TMEM30A: variants seen among roughly 807,000 people sequenced by gnomAD.
TMEM30A encodes the protein cell cycle control protein 50A.
A neutral mutation model predicts 38.2 loss-of-function variants in TMEM30A; 24 were observed. The observed-to-expected ratio is 0.63, with a 90% CI of 0.46 to 0.88. The LOEUF is 0.88. Among genes scored for constraint, TMEM30A ranks in the 40% least tolerant of loss-of-function variants. TMEM30A has a pLI of 0.00. For missense variants in TMEM30A, 370 were observed against 458.6 expected (o/e 0.81, Z 1.77); for synonymous variants, 145 against 161.6 (o/e 0.90, Z 0.78).
intron 1 of TMEM30A, 53 bp from the exon 2 acceptor site, chr6:75,267,801 A>C: frequency 7.5e-6 from 9 of 1,200,078 alleles, no homozygotes; most frequent in Non-Finnish European, 1.1e-5. Context: ...GGATACCTAA[A>C]ACACTCTGAA....
intron 1 of TMEM30A, among the ~76,000 whole-genome samples, chr6:75,283,817 G>A (rs1014967165): frequency 6.6e-6 from 1 of 152,190 alleles, no homozygotes; most frequent in African/African-American, 2.4e-5. Context: ...AAAATGAAAA[G>A]TACTATGCAC....
At chr6:75,259,246 G>A (rs1247149602) in intron 5 of TMEM30A, 101 bp downstream of exon 5, 4 of 1,331,222 alleles carry the variant, frequency 3.0e-6, no homozygotes, top group African/African-American at 1.5e-5. Flanking sequence ...GAAAAATTGT[G>A]TTTTTCAAAG....
chr6:75,257,901 C>G (rs1582273600), intron 6 of TMEM30A, among the ~76,000 whole-genome samples: 1 of 152,146 alleles, frequency 6.6e-6, no homozygotes, highest in East Asian at 1.9e-4. Flanking sequence ...TCTCTTCACT[C>G]ACAGTGTATG....
At chr6:75,279,469 G>A (rs974288533) in intron 1 of TMEM30A, among the ~76,000 whole-genome samples, 2 of 151,908 alleles carry the variant, frequency 1.3e-5, no homozygotes, top group Non-Finnish European at 2.9e-5. Context: ...AACAAAAGAG[G>A]CTACCAAGTG....
At chr6:75,260,949 C>G in intron 3 of TMEM30A, 38 bp from the exon 4 acceptor site, 1 of 1,457,604 alleles carries the variant, frequency 6.9e-7, no homozygotes, top group Non-Finnish European at 9.4e-7. Flanking sequence ...AAATTATTAT[C>G]CAGGCCTTTG....
intron 1 of TMEM30A, among the ~76,000 whole-genome samples, chr6:75,269,558 T>G (rs2149521588): frequency 6.6e-6 from 1 of 152,376 alleles, no homozygotes; most frequent in South Asian, 2.1e-4. Context: ...AAGGACATCT[T>G]GGTTGCTTCC....
At position 75,253,590 on chromosome 6, in the gene TMEM30A, C is replaced by G. The variant is rs1771818983; in HGVS notation, c.*2512G>C. The stretch of plus-strand genomic sequence containing the variant: ...CAACACTGGAGCATTGTTATTTTAT[C>G]AAGACACCTGAACATAGCAAAATTA... On this transcript the variant is annotated 3_prime_UTR_variant, in exon 7 of 7. Transcript: ENST00000230461. The G allele has an allele frequency of 6.6e-6, 1 of 152,534 alleles. No individual in the cohort carries two copies. The highest frequency in any genetic ancestry group is 1.5e-5 in the Non-Finnish European group (1 of 68,002). The allele number at this position is 152,534 out of a possible 1,614,324, so 9.4% of individuals were successfully genotyped here.
At position 75,252,989 on chromosome 6, in the gene TMEM30A, G is replaced by A. The variant is rs1230553927; in HGVS notation, c.*3113C>T. ...ACATTAGCAGAATTGTGATTTTTATGTTTACTGAATGGTGCATGGGATAAA... is the reference window on the plus strand; with the variant it reads ...ACATTAGCAGAATTGTGATTTTTATATTTACTGAATGGTGCATGGGATAAA... On this transcript the variant is annotated 3_prime_UTR_variant, in exon 7 of 7. Transcript: ENST00000230461. 6.6e-6 allele frequency: 1 copy of A among 151,980 alleles called. No homozygotes were observed. The highest frequency in any genetic ancestry group is 1.5e-5 in the Non-Finnish European group (1 of 67,956). 9.4% of individuals were successfully genotyped at this position (151,980 alleles called of 1,614,324 possible).
intron 6 of TMEM30A, 97 bp from the exon 7 acceptor site, chr6:75,256,392 G>T: frequency 1.9e-6 from 2 of 1,068,618 alleles, no homozygotes; most frequent in Non-Finnish European, 2.7e-6. Context: ...ATTCATTTGT[G>T]TAATTCTAGG....
At chr6:75,269,052 T>C (rs1390874313) in intron 1 of TMEM30A, among the ~76,000 whole-genome samples, 2 of 151,940 alleles carry the variant, frequency 1.3e-5, no homozygotes, top group African/African-American at 2.4e-5. Flanking sequence ...AAGTACAGAG[T>C]TCCCATATAC....
intron 3 of TMEM30A, among the ~76,000 whole-genome samples, chr6:75,264,839 T>C (rs983276042): frequency 6.6e-6 from 1 of 150,994 alleles, no homozygotes; most frequent in African/African-American, 2.4e-5. Context: ...TGGTGGCTCA[T>C]GCCTGTAATC....
intron 3 of TMEM30A, among the ~76,000 whole-genome samples, chr6:75,263,836 G>C (rs1032769696): frequency 1.1e-4 from 16 of 152,160 alleles, no homozygotes; most frequent in Admixed American, 9.2e-4. Flanking sequence ...TGAAATCTTT[G>C]CTTACAGTTT....
In TMEM30A at chr6:75,284,658, C is replaced by G; in HGVS notation, c.-20G>C. On this transcript the variant is annotated 5_prime_UTR_variant, in exon 1 of 7. Coordinates refer to ENST00000230461, the MANE Select transcript of TMEM30A (RefSeq NM_018247.4). ...CGCCATCGATCCCTGGGGCGCCGCT[C>G]CGCGATTTGCAGGTGGACCACCCAG... The G allele has an allele frequency of 6.2e-7, 1 of 1,610,362 alleles. No individual in the cohort carries two copies. The highest frequency in any genetic ancestry group is 8.5e-7 in the Non-Finnish European group (1 of 1,179,614).
At chr6:75,263,727 A>G (rs240391) in intron 3 of TMEM30A, among the ~76,000 whole-genome samples, 3,594 of 152,322 alleles carry the variant, frequency 0.024, 157 homozygotes, top group African/African-American at 0.081. Flanking sequence ...TGTATTAAAA[A>G]TAGTATATAA....
intron 1 of TMEM30A, chr6:75,284,138 G>A (rs1772414775): frequency 3.8e-6 from 2 of 525,796 alleles, no homozygotes. Context: ...CCTATCTTCT[G>A]CATTAAACAT....
At chr6:75,260,731 A>T (rs916058092) in intron 4 of TMEM30A, 93 bp downstream of exon 4, 2 of 712,430 alleles carry the variant, frequency 2.8e-6, no homozygotes, top group Admixed American at 6.6e-5. Context: ...TGAGTTTCTC[A>T]ATTTCATTCA....
chr6:75,269,825 G>GC (rs1772136581), intron 1 of TMEM30A, among the ~76,000 whole-genome samples: 1 of 152,128 alleles, frequency 6.6e-6, no homozygotes, highest in African/African-American at 2.4e-5. Flanking sequence ...CTTCCAAGTA[G>GC]CTGGGACTAC....
chr6:75,283,812 G>T (rs143070382), intron 1 of TMEM30A, among the ~76,000 whole-genome samples: 1 of 152,280 alleles, frequency 6.6e-6, no homozygotes, highest in East Asian at 1.9e-4. Context: ...AGCTCAAAAT[G>T]AAAAGTACTA....
chr6:75,262,291 G>A (rs1410926695), intron 3 of TMEM30A, among the ~76,000 whole-genome samples: 1 of 152,138 alleles, frequency 6.6e-6, no homozygotes, highest in Non-Finnish European at 1.5e-5. Context: ...AGGTTGCAGT[G>A]AGCAGAGATC....
Sources: allele counts gnomAD v4.1 joint callset (sites outside exome capture counted in the v4.1 genomes callset), GRCh38; gene constraint gnomAD v4.1.1; transcripts MANE v1.5; gene names NCBI Gene and HGNC (gene_info 2026-07-23, HGNC 2026-07-21).